The following SH3BP4 variants were observed in gnomAD, a reference collection of about 807,000 sequenced individuals.
SH3BP4 encodes the protein SH3 domain binding protein 4.
A neutral mutation model predicts 65.5 loss-of-function variants in SH3BP4; 33 were observed. That is an observed-to-expected ratio of 0.50 (90% CI 0.38 to 0.67). The LOEUF (loss-of-function observed/expected upper bound fraction) is 0.67. Among genes scored for constraint, SH3BP4 ranks in the 30% least tolerant of loss-of-function variants. The probability of loss-of-function intolerance (pLI) is 0.00; values close to 1 mark genes in which losing one functional copy is unlikely to be tolerated. For synonymous variants in SH3BP4, 552 were observed against 545.5 expected, an observed-to-expected ratio of 1.01 and a Z score of -0.17; for missense variants, 1,134 against 1,261.4, an observed-to-expected ratio of 0.90 and a Z score of 1.53.
chr2:235,037,225 A>C (rs1414014831), intron 3 of SH3BP4, among the ~76,000 whole-genome samples: 1 of 152,188 alleles, frequency 6.6e-6, no homozygotes, highest in Non-Finnish European at 1.5e-5. Flanking sequence ...ATTCATTAAG[A>C]TAGAATTCGT....
intron 1 of SH3BP4, among the ~76,000 whole-genome samples, chr2:234,990,094 G>A (rs1693703125): frequency 6.6e-6 from 1 of 152,230 alleles, no homozygotes; most frequent in Non-Finnish European, 1.5e-5. Flanking sequence ...TGAATTTAGT[G>A]TTTAGACTGG....
intron 2 of SH3BP4, among the ~76,000 whole-genome samples, chr2:235,009,184 CCCAGAGTGCT>C (rs1226126409): frequency 3.3e-5 from 5 of 152,202 alleles, no homozygotes; most frequent in Admixed American, 6.5e-5. Context: ...AACCAGGCTT[CCCAGAGTGCT>C]CTCTGGGCCC....
chr2:235,042,943 C>T lies in SH3BP4; in HGVS notation c.2174C>T (p.Ala725Val), dbSNP rs749526924. ...HTKNVLVVGR[A>V]RPSLCSGPEL... is the part of the protein sequence containing the mutation. The stretch of plus-strand genomic sequence containing the variant: ...AAGAACGTGCTGGTGGTCGGCAGGG[C>T]CCGGCCCAGCCTGTGCTCGGGCCCC... Residue 725 changes from alanine to valine, a missense_variant, in exon 4 of 6, where the codon GCC (alanine) becomes GTC (valine). Ala to Val is a moderately conservative substitution (Grantham distance 64, BLOSUM62 0). Coordinates refer to ENST00000392011, the MANE Select transcript of SH3BP4 (RefSeq NM_014521.3). This position sits in a 1 kb window ranked among gnomAD's most constrained non-coding sequence, Gnocchi z 7.3. 1.9e-6 allele frequency: 3 copies of T among 1,613,046 alleles called. No individual in the cohort carries two copies. The highest frequency in any genetic ancestry group is 2.5e-6 in the Non-Finnish European group (3 of 1,179,800).
At position 235,052,183 on chromosome 2, in the gene SH3BP4, CCTT is replaced by C. The variant is rs1323224446; in HGVS notation, c.2479-373_2479-371del. ...CGTCTCTGCCTCCGTCTTCACACGG[CCTT>C]CTTCTCTCTGCCTCTCTGTCTGCTT... On this transcript the variant is annotated intron_variant, in intron 4 of 5. Transcript: ENST00000392011. The surrounding 1 kb of genome is among the most constrained non-coding windows in gnomAD (Gnocchi z 5.0). Among the ~76,000 whole-genome samples, 3 of 121,588 alleles carry C rather than the reference CCTT, an allele frequency of 2.5e-5. No individual in the cohort carries two copies. The highest frequency in any genetic ancestry group is 2.9e-4 in the East Asian group (1 of 3,404). 79.8% of individuals were successfully genotyped at this position (121,588 alleles called of 152,430 possible). A position where few individuals can be genotyped will look rare whatever the true frequency, so the allele number is the denominator to read the frequency against.
intron 1 of SH3BP4, among the ~76,000 whole-genome samples, chr2:234,960,655 G>A (rs1252490821): frequency 2.6e-5 from 4 of 152,186 alleles, no homozygotes; most frequent in Admixed American, 2.0e-4. Flanking sequence ...GGCCACGTGC[G>A]CACACACTTG....
rs746073583 is a variant in SH3BP4, at chr2:235,041,743, G to A, written c.974G>A (p.Ser325Asn). 1.2e-5 allele frequency: 20 copies of A among 1,608,178 alleles called. No individual in the cohort carries two copies. The highest frequency in any genetic ancestry group is 1.5e-5 in the Non-Finnish European group (18 of 1,176,322). ...VETNIVCKLD[S>N]SGGAVQLPDT... The stretch of plus-strand genomic sequence containing the variant: ...ACAAACATCGTGTGCAAGCTGGATA[G>A]CTCCGGGGGTGCTGTCCAGCTTCCT... The change falls in exon 4 of 6, where the codon AGC becomes AAC. Residue 325 changes from serine (S) to asparagine (N), a missense_variant. Ser to Asn is a conservative substitution (Grantham distance 46, BLOSUM62 1). Coordinates refer to ENST00000392011, the MANE Select transcript of SH3BP4 (RefSeq NM_014521.3). This position sits in a 1 kb window ranked among gnomAD's most constrained non-coding sequence, Gnocchi z 6.0.
At chr2:235,025,050 C>T (rs1694956888) in intron 2 of SH3BP4, among the ~76,000 whole-genome samples, 1 of 152,094 alleles carries the variant, frequency 6.6e-6, no homozygotes, top group Non-Finnish European at 1.5e-5. Flanking sequence ...CTGGTCTGGG[C>T]TGATCACAGG....
In SH3BP4 at chr2:235,045,511, A is replaced by C. The variant is rs1337020685; in HGVS notation, c.2478+2264A>C. Among the ~76,000 whole-genome samples, 2 of 151,992 alleles carry C rather than the reference A, an allele frequency of 1.3e-5. No individual in the cohort carries two copies. The highest frequency in any genetic ancestry group is 6.5e-5 in the Admixed American group (1 of 15,270). ...TCCTCTGTGCCCGAGTCCTTCCGCT[A>C]CCCAGAAAGGAGGAAGTGAAACTTG... On this transcript the variant is annotated intron_variant, in intron 4 of 5. Transcript: ENST00000392011. The surrounding 1 kb of genome is among the most constrained non-coding windows in gnomAD (Gnocchi z 4.3).
chr2:235,052,768 T>G lies in SH3BP4; in HGVS notation c.2667+18T>G. 2 of 1,553,408 alleles carry G rather than the reference T, an allele frequency of 1.3e-6. No individual in the cohort carries two copies. Among genetic ancestry groups the G allele is most frequent in the Non-Finnish European group, 8.7e-7 (1 of 1,153,654 alleles). On this transcript the variant is annotated intron_variant, in intron 5 of 5. Coordinates refer to ENST00000392011, the MANE Select transcript of SH3BP4 (RefSeq NM_014521.3). The surrounding 1 kb of genome is among the most constrained non-coding windows in gnomAD (Gnocchi z 5.0). ...ACAGCGAGGTGAGCAGCGGCTGAGCTTCGAGCTCACCGAGCCCCTCTGTCC... is the reference window on the plus strand; with the variant it reads ...ACAGCGAGGTGAGCAGCGGCTGAGCGTCGAGCTCACCGAGCCCCTCTGTCC...
Position 235,035,837 on chromosome 2 carries a change from C to T in SH3BP4, c.118+717C>T, listed in dbSNP as rs1448980340. On this transcript the variant is annotated intron_variant, in intron 3 of 5. Coordinates refer to ENST00000392011, the MANE Select transcript of SH3BP4 (RefSeq NM_014521.3). The surrounding 1 kb of genome is among the most constrained non-coding windows in gnomAD (Gnocchi z 5.0). ...AGGTCATTTTCTTCCTGCACATCTG[C>T]CCTAACCTAGGCCACGTTCAGTCTC... is the stretch of plus-strand genomic sequence containing the variant. Among the ~76,000 whole-genome samples, 1 of 152,212 alleles carries T rather than the reference C, an allele frequency of 6.6e-6. No individual in the cohort carries two copies. The highest frequency in any genetic ancestry group is 2.4e-5 in the African/African-American group (1 of 41,456).
At chr2:235,010,801 C>T (rs28744406) in intron 2 of SH3BP4, among the ~76,000 whole-genome samples, 35,578 of 92,344 alleles carry the variant, frequency 0.39, 9,663 homozygotes, top group African/African-American at 0.74. Context: ...TAGGAGAAAC[C>T]TTCCTCCCTC....
intron 2 of SH3BP4, among the ~76,000 whole-genome samples, chr2:235,016,920 C>G (rs1223255456): frequency 6.6e-6 from 1 of 152,172 alleles, no homozygotes; most frequent in Non-Finnish European, 1.5e-5. Flanking sequence ...GGGGATGCCA[C>G]TTGACACTTC....
At chr2:234,987,642 C>T (rs182866894) in intron 1 of SH3BP4, among the ~76,000 whole-genome samples, 14 of 152,266 alleles carry the variant, frequency 9.2e-5, no homozygotes, top group East Asian at 1.9e-4. Context: ...AAGCCTAGGA[C>T]GCCTTCCTTG....
rs1038464930 is a variant in SH3BP4, at chr2:234,991,559, A to G, written c.-206-3744A>G. On this transcript the variant is annotated intron_variant, in intron 1 of 5. Transcript: ENST00000392011. This position sits in a 1 kb window ranked among gnomAD's most constrained non-coding sequence, Gnocchi z 4.2. ...TAAGGCATCCTCTAGACTTTCTGCT[A>G]ATTCCATCCACCCACGCTAAACCGT... Among the ~76,000 whole-genome samples the G allele has an allele frequency of 2.0e-5, 3 of 152,176 alleles. No individual in the cohort carries two copies. Among genetic ancestry groups the G allele is most frequent in the Non-Finnish European group, 4.4e-5 (3 of 68,040 alleles).
At chr2:235,021,558 G>C (rs569347702) in intron 2 of SH3BP4, among the ~76,000 whole-genome samples, 2 of 151,452 alleles carry the variant, frequency 1.3e-5, no homozygotes, top group Non-Finnish European at 2.9e-5. Context: ...GGCAGAGGTT[G>C]CAGTGAGCCA....
intron 2 of SH3BP4, among the ~76,000 whole-genome samples, chr2:235,023,762 T>A (rs1281822943): frequency 6.6e-6 from 1 of 152,242 alleles, no homozygotes; most frequent in African/African-American, 2.4e-5. Flanking sequence ...GATTTTATTA[T>A]ACAATCTGTG....
chr2:235,041,940 A>G lies in SH3BP4; in HGVS notation c.1171A>G (p.Ile391Val), dbSNP rs1222688287. The G allele has an allele frequency of 5.6e-6, 9 of 1,613,640 alleles. No individual in the cohort carries two copies. The highest frequency in any genetic ancestry group is 5.3e-5 in the African/African-American group (4 of 75,048). Reference sequence around the variant, plus strand: ...GAGCAACCTGGAGGTGAAAACCTCTATCATCTTGGAGATGAAAGTGTCAGC... The same window carrying G: ...GAGCAACCTGGAGGTGAAAACCTCTGTCATCTTGGAGATGAAAGTGTCAGC... ...KLSNLEVKTS[I>V]ILEMKVSAEI... The change falls in exon 4 of 6, where the codon ATC becomes GTC. Residue 391 changes from isoleucine to valine, a missense_variant. Coordinates refer to ENST00000392011, the MANE Select transcript of SH3BP4 (RefSeq NM_014521.3). This position sits in a 1 kb window ranked among gnomAD's most constrained non-coding sequence, Gnocchi z 6.0.
rs1481581346 is a variant in SH3BP4, at chr2:235,054,688, T to A, written c.*872T>A. The A allele has an allele frequency of 6.6e-6, 1 of 152,234 alleles. No homozygotes were observed. The highest frequency in any genetic ancestry group is 2.4e-5 in the African/African-American group (1 of 41,460). The allele number at this position is 152,234 out of a possible 1,614,324, so 9.4% of individuals were successfully genotyped here. Reference sequence around the variant, plus strand: ...GCTACGAGGCCATTGTACTGTTTTTTCCTTGAGGTCAAAGCAGTGCTTCCC... The same window carrying A: ...GCTACGAGGCCATTGTACTGTTTTTACCTTGAGGTCAAAGCAGTGCTTCCC... On this transcript the variant is annotated 3_prime_UTR_variant, in exon 6 of 6. Coordinates refer to ENST00000392011, the MANE Select transcript of SH3BP4 (RefSeq NM_014521.3).
At chr2:234,953,488 G>A (rs896793048) in intron 1 of SH3BP4, among the ~76,000 whole-genome samples, 3 of 152,142 alleles carry the variant, frequency 2.0e-5, no homozygotes, top group Non-Finnish European at 4.4e-5. Context: ...CAGTGGGCTG[G>A]GGGCTTTCCT....
Sources: gnomAD v4.1 joint callset for allele counts (sites outside exome capture counted in the v4.1 genomes callset) on GRCh38, gnomAD v4.1.1 for gene constraint, Gnocchi (gnomAD v3.1) non-coding constraint, MANE v1.5 for transcripts, NCBI Gene and HGNC (gene_info 2026-07-23, HGNC 2026-07-21) for gene names.